Variants in AGO2 observed in about 807,000 individuals in gnomAD.
The protein encoded by AGO2 is protein argonaute-2.
Under a neutral mutation model 102.3 loss-of-function variants are expected in AGO2, and 5 were observed. The ratio of observed to expected loss-of-function variants is 0.05; its 90% CI spans 0.03 to 0.10. AGO2 has a LOEUF of 0.10. AGO2 is among the 10% of genes least tolerant of loss of function. AGO2 has a pLI of 1.00. For synonymous variants in AGO2, 449 were observed against 473.1 expected, an observed-to-expected ratio of 0.95 and a Z score of 0.66; for missense variants, 541 against 1,183.7, an observed-to-expected ratio of 0.46 and a Z score of 7.97.
At chr8:140,543,028 T>C (rs1038058572) in intron 14 of AGO2, among the ~76,000 whole-genome samples, 1 of 152,048 alleles carries the variant, frequency 6.6e-6, no homozygotes, top group Non-Finnish European at 1.5e-5. Flanking sequence ...TCCCAGCTAC[T>C]CGGGAGGCTG....
intron 17 of AGO2, among the ~76,000 whole-genome samples, chr8:140,533,722 G>A (rs539223774): frequency 8.6e-5 from 13 of 151,776 alleles, no homozygotes; most frequent in Admixed American, 1.3e-4. Context: ...CATGAGAATC[G>A]CTGGAACCCG....
chr8:140,523,083 A>G lies in AGO2; in HGVS notation c.*8961T>C, dbSNP rs1432989375. On this transcript the variant is annotated 3_prime_UTR_variant, in exon 19 of 19. Coordinates refer to ENST00000220592, the MANE Select transcript of AGO2 (RefSeq NM_012154.5). ...CATACAGAGAGGCCAATGTATATAAATAAGAGTTTATACAGAAACTGCCAA... is the reference window on the plus strand; with the variant it reads ...CATACAGAGAGGCCAATGTATATAAGTAAGAGTTTATACAGAAACTGCCAA... 1.3e-5 allele frequency: 2 copies of G among 152,224 alleles called. No individual in the cohort carries two copies. Among genetic ancestry groups the G allele is most frequent in the Non-Finnish European group, 2.9e-5 (2 of 68,042 alleles). 9.4% of individuals were successfully genotyped at this position (152,224 alleles called of 1,614,324 possible). A position where few individuals can be genotyped will look rare whatever the true frequency, so the allele number is the denominator to read the frequency against.
At chr8:140,604,662 T>C (rs2073971342) in intron 1 of AGO2, among the ~76,000 whole-genome samples, 2 of 151,820 alleles carry the variant, frequency 1.3e-5, no homozygotes, top group Non-Finnish European at 2.9e-5. Context: ...CCGTCTCTAC[T>C]AAAAATACAA....
At chr8:140,585,693 G>A (rs548546491) in intron 1 of AGO2, among the ~76,000 whole-genome samples, 80 of 152,194 alleles carry the variant, frequency 5.3e-4, no homozygotes, top group Middle Eastern at 3.4e-3. Flanking sequence ...ATGCATAAGC[G>A]GCAGAAACTT....
intron 2 of AGO2, among the ~76,000 whole-genome samples, chr8:140,577,224 A>G (rs966977431): frequency 9.2e-5 from 14 of 151,416 alleles, no homozygotes; most frequent in African/African-American, 2.2e-4. Context: ...AAAAAAAAAA[A>G]AAAAGAAACA....
chr8:140,585,869 C>T (rs1365346934), intron 1 of AGO2, among the ~76,000 whole-genome samples: 1 of 152,192 alleles, frequency 6.6e-6, no homozygotes, highest in Non-Finnish European at 1.5e-5. Flanking sequence ...GTACTTCAAT[C>T]CCTATTGACA....
Position 140,539,297 on chromosome 8 carries a change from C to A in AGO2, c.2169+23G>T. ...GCTGAGGGGAGAACCGTGCCCCCTG[C>A]CTGGAGTCATGCAGAAACTCACCCG... On this transcript the variant is annotated intron_variant, in intron 16 of 18. Transcript: ENST00000220592. This position sits in a 1 kb window ranked among gnomAD's most constrained non-coding sequence, Gnocchi z 4.7. The A allele has an allele frequency of 6.3e-7, 1 of 1,588,328 alleles. No individual in the cohort carries two copies. The highest frequency in any genetic ancestry group is 8.6e-7 in the Non-Finnish European group (1 of 1,164,898).
chr8:140,629,281 C>A (rs1268580276), intron 1 of AGO2, among the ~76,000 whole-genome samples: 3 of 152,150 alleles, frequency 2.0e-5, no homozygotes, highest in African/African-American at 7.2e-5. Context: ...CCAGCACCTT[C>A]TCTTCTGTCC....
At chr8:140,587,115 C>A (rs2073671813) in intron 1 of AGO2, among the ~76,000 whole-genome samples, 1 of 152,280 alleles carries the variant, frequency 6.6e-6, no homozygotes, top group Admixed American at 6.5e-5. Context: ...CAGCTCGAGC[C>A]CAGGGCTCAG....
At chr8:140,533,577 C>T (rs1196188840) in intron 17 of AGO2, among the ~76,000 whole-genome samples, 2 of 151,968 alleles carry the variant, frequency 1.3e-5, no homozygotes, top group Non-Finnish European at 2.9e-5. Context: ...GAGGCCGAGG[C>T]GGGCAGAACA....
intron 17 of AGO2, among the ~76,000 whole-genome samples, chr8:140,534,690 C>T (rs919896438): frequency 6.6e-6 from 1 of 152,248 alleles, no homozygotes; most frequent in African/African-American, 2.4e-5. Context: ...AGCAAATCCT[C>T]AAACTCTAGG....
At chr8:140,535,595 G>A in intron 16 of AGO2, 26 bp from the exon 17 acceptor site, 1 of 1,611,284 alleles carries the variant, frequency 6.2e-7, no homozygotes, top group South Asian at 1.1e-5. Context: ...CATCTCGTTA[G>A]ACACGGCCAG....
At chr8:140,595,612 T>C (rs10097479) in intron 1 of AGO2, among the ~76,000 whole-genome samples, 662 of 44,190 alleles carry the variant, frequency 0.015, 7 homozygotes, top group African/African-American at 0.045. Flanking sequence ...AGGCTATATA[T>C]ATAATATATA....
In AGO2 at chr8:140,599,012, G is replaced by A. The variant is rs540075320; in HGVS notation, c.23-13701C>T. On this transcript the variant is annotated intron_variant, in intron 1 of 18. Coordinates refer to ENST00000220592, the MANE Select transcript of AGO2 (RefSeq NM_012154.5). The stretch of plus-strand genomic sequence containing the variant: ...TCGAGGCTCCCATCCTGCTGCTCAC[G>A]CTGAGGCCACTCTACCCTGCCCTCC... Among the ~76,000 whole-genome samples, 6 of 152,304 alleles carry A rather than the reference G, an allele frequency of 3.9e-5. No homozygotes were observed. In the South Asian group the frequency reaches 8.3e-4, roughly 21 times the overall value.
At position 140,540,780 on chromosome 8, in the gene AGO2, C is replaced by G. The variant is rs531436315; in HGVS notation, c.2034+384G>C. Among the ~76,000 whole-genome samples the G allele has an allele frequency of 2.6e-5, 4 of 152,302 alleles. No homozygotes were observed. The highest frequency in any genetic ancestry group is 9.6e-5 in the African/African-American group (4 of 41,570). On this transcript the variant is annotated intron_variant, in intron 15 of 18. Transcript: ENST00000220592. This position sits in a 1 kb window ranked among gnomAD's most constrained non-coding sequence, Gnocchi z 5.0. ...CACACTGCAGACAGGCGTCCCCAGA[C>G]GCAATGAGCTCCCCGCCTCGCAGGG... is the stretch of plus-strand genomic sequence containing the variant.
At chr8:140,600,034 A>C (rs1033218772) in intron 1 of AGO2, among the ~76,000 whole-genome samples, 1 of 122,272 alleles carries the variant, frequency 8.2e-6, no homozygotes, top group African/African-American at 2.6e-5. Context: ...CTCATGATTT[A>C]AAAGGCAAAT....
intron 3 of AGO2, among the ~76,000 whole-genome samples, chr8:140,566,034 A>T (rs1459092528): frequency 7.2e-6 from 1 of 138,290 alleles, no homozygotes; most frequent in Non-Finnish European, 1.5e-5. Context: ...AAATTGTTTC[A>T]AAAAAAAAAA....
intron 1 of AGO2, among the ~76,000 whole-genome samples, chr8:140,586,455 C>G (rs2073657834): frequency 6.6e-6 from 1 of 152,228 alleles, no homozygotes; most frequent in South Asian, 2.1e-4. Flanking sequence ...CACTGCACTC[C>G]AGCCTGGGTG....
chr8:140,596,403 G>C (rs1459817397), intron 1 of AGO2, among the ~76,000 whole-genome samples: 1 of 152,174 alleles, frequency 6.6e-6, no homozygotes, highest in Admixed American at 6.5e-5. Flanking sequence ...GACCAACATG[G>C]TGAAACCCCG....
Sources: gnomAD v4.1 joint callset for allele counts (sites outside exome capture counted in the v4.1 genomes callset) on GRCh38, gnomAD v4.1.1 for gene constraint, Gnocchi (gnomAD v3.1) non-coding constraint, MANE v1.5 for transcripts, NCBI Gene and HGNC (gene_info 2026-07-23, HGNC 2026-07-21) for gene names.